DCUN1D4: variants seen among roughly 807,000 people sequenced by gnomAD.
The protein encoded by DCUN1D4 is DCN1-like protein 4.
A neutral mutation model predicts 47.9 loss-of-function variants in DCUN1D4; 22 were observed. That is an observed-to-expected ratio of 0.46 (90% CI 0.33 to 0.66). DCUN1D4 has a LOEUF of 0.66. Among genes scored for constraint, DCUN1D4 ranks in the 30% least tolerant of loss-of-function variants. The probability of loss-of-function intolerance (pLI) is 0.02; values close to 1 mark genes in which losing one functional copy is unlikely to be tolerated. For missense variants in DCUN1D4, 301 were observed against 340.8 expected (o/e 0.88, Z 0.92); for synonymous variants, 121 against 112.2 (o/e 1.08, Z -0.50).
intron 8 of DCUN1D4, among the ~76,000 whole-genome samples, chr4:51,901,090 C>T (rs1344983941): frequency 6.6e-6 from 1 of 152,094 alleles, no homozygotes; most frequent in Non-Finnish European, 1.5e-5. Flanking sequence ...GCCTCATGTC[C>T]ACATTCTTTC....
intron 1 of DCUN1D4, among the ~76,000 whole-genome samples, chr4:51,861,131 A>T (rs927259281): frequency 6.6e-6 from 1 of 152,236 alleles, no homozygotes; most frequent in Non-Finnish European, 1.5e-5. Flanking sequence ...CAACATTATG[A>T]AGGAGAATTT....
At chr4:51,873,234 C>G (rs548198846) in intron 3 of DCUN1D4, among the ~76,000 whole-genome samples, 24 of 152,314 alleles carry the variant, frequency 1.6e-4, no homozygotes, top group African/African-American at 5.8e-4. Context: ...TTCACCACTT[C>G]TCACTCCTGA....
At chr4:51,867,699 A>G (rs1440533790) in intron 3 of DCUN1D4, among the ~76,000 whole-genome samples, 1 of 152,134 alleles carries the variant, frequency 6.6e-6, no homozygotes, top group African/African-American at 2.4e-5. Context: ...GCACGTGCTG[A>G]TTGGTCCATG....
At chr4:51,844,784 T>G in intron 1 of DCUN1D4, 1 of 966,246 alleles carries the variant, frequency 1.0e-6, no homozygotes, top group Non-Finnish European at 1.2e-6. Flanking sequence ...TTCTGGGACT[T>G]GTAGTCGCGG....
rs1000733098 is a variant in DCUN1D4, at chr4:51,914,201, C to G, written c.*617C>G. On this transcript the variant is annotated 3_prime_UTR_variant, in exon 11 of 11. Transcript: ENST00000334635. ...TATAGATATGTAACATGCCACAAAT[C>G]ATTTCTACCATGCAAGGTGTATAAG... is the stretch of plus-strand genomic sequence containing the variant. 1.3e-5 allele frequency: 2 copies of G among 152,168 alleles called. No individual in the cohort carries two copies. Among genetic ancestry groups the G allele is most frequent in the African/African-American group, 4.8e-5 (2 of 41,438 alleles). 9.4% of individuals were successfully genotyped at this position (152,168 alleles called of 1,614,324 possible).
At chr4:51,856,411 C>T (rs1252485337) in intron 1 of DCUN1D4, among the ~76,000 whole-genome samples, 1 of 152,078 alleles carries the variant, frequency 6.6e-6, no homozygotes, top group Non-Finnish European at 1.5e-5. Flanking sequence ...ACCATTATTT[C>T]CCTGGGGGAA....
At chr4:51,892,426 G>A (rs1730570661) in intron 7 of DCUN1D4, among the ~76,000 whole-genome samples, 1 of 152,198 alleles carries the variant, frequency 6.6e-6, no homozygotes. Flanking sequence ...TGCAGTTTTA[G>A]AGCTTAAAAG....
At chr4:51,860,452 C>T (rs569054710) in intron 1 of DCUN1D4, 57 of 372,242 alleles carry the variant, frequency 1.5e-4, no homozygotes, top group Middle Eastern at 1.9e-3. Flanking sequence ...GTATATGAGT[C>T]GCAGTGCCAT....
chr4:51,893,639 C>G (rs1325687539), intron 7 of DCUN1D4, among the ~76,000 whole-genome samples: 1 of 152,138 alleles, frequency 6.6e-6, no homozygotes, highest in Non-Finnish European at 1.5e-5. Context: ...GTTGGCTAGG[C>G]TCGAACTCCT....
chr4:51,898,614 G>A (rs958479564), intron 7 of DCUN1D4, among the ~76,000 whole-genome samples: 2 of 152,160 alleles, frequency 1.3e-5, no homozygotes, highest in Non-Finnish European at 2.9e-5. Context: ...ACCAATAATG[G>A]AACAGGGACA....
intron 1 of DCUN1D4, among the ~76,000 whole-genome samples, chr4:51,849,378 A>C (rs1560450218): frequency 6.6e-6 from 1 of 152,146 alleles, no homozygotes; most frequent in Non-Finnish European, 1.5e-5. Context: ...GATTCTGTGA[A>C]CTGTCTAATA....
At chr4:51,908,134 T>C (rs1034337227) in intron 8 of DCUN1D4, among the ~76,000 whole-genome samples, 6 of 152,208 alleles carry the variant, frequency 3.9e-5, no homozygotes, top group African/African-American at 1.4e-4. Context: ...ACTATATCAT[T>C]CTATAACTTC....
intron 7 of DCUN1D4, among the ~76,000 whole-genome samples, chr4:51,897,116 T>A (rs1343853700): frequency 6.6e-6 from 1 of 152,200 alleles, no homozygotes; most frequent in Admixed American, 6.5e-5. Flanking sequence ...ATCTCTCAAC[T>A]CTCTTAGCTT....
intron 3 of DCUN1D4, among the ~76,000 whole-genome samples, chr4:51,868,833 A>C (rs1183238835): frequency 3.9e-5 from 6 of 152,210 alleles, no homozygotes; most frequent in East Asian, 3.9e-4. Flanking sequence ...TAAAGAGCCC[A>C]ATCAGGCTGG....
At chr4:51,883,406 TGTGTA>T (rs2110025634) in intron 5 of DCUN1D4, among the ~76,000 whole-genome samples, 1 of 152,344 alleles carries the variant, frequency 6.6e-6, no homozygotes, top group Admixed American at 6.5e-5. Context: ...AATGAATTGA[TGTGTA>T]GTGTGTCTAA....
intron 5 of DCUN1D4, among the ~76,000 whole-genome samples, chr4:51,883,086 G>A (rs1728932150): frequency 6.6e-6 from 1 of 152,152 alleles, no homozygotes; most frequent in South Asian, 2.1e-4. Context: ...CACTTACAAT[G>A]GGATAACATA....
intron 3 of DCUN1D4, among the ~76,000 whole-genome samples, chr4:51,872,451 A>G (rs1022757175): frequency 2.6e-5 from 4 of 151,958 alleles, no homozygotes; most frequent in Admixed American, 6.5e-5. Context: ...ACTCCCACCA[A>G]TCCATGGACA....
chr4:51,905,076 G>T (rs143279763), intron 8 of DCUN1D4: 18 of 378,380 alleles, frequency 4.8e-5, no homozygotes, highest in African/African-American at 2.5e-4. Flanking sequence ...GCCCCAAGGG[G>T]CTGATCATTT....
Position 51,910,118 on chromosome 4 carries a change from A to G in DCUN1D4, c.616-952A>G, listed in dbSNP as rs183216445. On this transcript the variant is annotated intron_variant, in intron 8 of 10. Transcript: ENST00000334635. Reference sequence around the variant, plus strand: ...TAGCCAGGCACTTTCTCCCTTTGTAAAAAACTACTTTTACAAATTTCCACT... The same window carrying G: ...TAGCCAGGCACTTTCTCCCTTTGTAGAAAACTACTTTTACAAATTTCCACT... Among the ~76,000 whole-genome samples, 61 of 152,244 alleles carry G rather than the reference A, an allele frequency of 4.0e-4. No homozygotes were observed. In the East Asian group the frequency reaches 0.01, roughly 26 times the overall value.
Sources: gnomAD v4.1 joint callset for allele counts (sites outside exome capture counted in the v4.1 genomes callset) on GRCh38, gnomAD v4.1.1 for gene constraint, MANE v1.5 for transcripts, NCBI Gene and HGNC (gene_info 2026-07-23, HGNC 2026-07-21) for gene names.